WDR33: variants seen among roughly 807,000 people sequenced by gnomAD.
The protein encoded by WDR33 is pre-mRNA 3' end processing protein WDR33.
In WDR33, 47 loss-of-function variants were observed where a neutral mutation model predicts 164.9. That is an observed-to-expected ratio of 0.29 (90% CI 0.23 to 0.36). The LOEUF (loss-of-function observed/expected upper bound fraction) is 0.36. Among genes scored for constraint, WDR33 ranks in the 10% least tolerant of loss-of-function variants. The pLI, the probability that WDR33 is intolerant of heterozygous loss-of-function variation, is 1.00. For synonymous variants in WDR33, 505 were observed against 589.0 expected (o/e 0.86, Z 2.06); for missense variants, 1,137 against 1,754.1 (o/e 0.65, Z 6.28).
intron 7 of WDR33, among the ~76,000 whole-genome samples, chr2:127,740,319 G>C (rs1053005231): frequency 6.6e-6 from 1 of 151,886 alleles, no homozygotes; most frequent in African/African-American, 2.4e-5. Context: ...TATAATCCCA[G>C]CACTTTGGGA....
chr2:127,767,938 G>A (rs1276476264), intron 4 of WDR33, among the ~76,000 whole-genome samples: 1 of 152,100 alleles, frequency 6.6e-6, no homozygotes, highest in Non-Finnish European at 1.5e-5. Flanking sequence ...GCTACAACAT[G>A]TATCCATCTA....
chr2:127,724,249 C>A lies in WDR33; in HGVS notation c.1196+84G>T. ...TAAGTTGGAATATAAATTACTATAT[C>A]AATCAACCAATAAAAATAAACACAT... On this transcript the variant is annotated intron_variant, in intron 11 of 21. Coordinates refer to ENST00000322313, the MANE Select transcript of WDR33 (RefSeq NM_018383.5). The surrounding 1 kb of genome is among the most constrained non-coding windows in gnomAD (Gnocchi z 4.8). 9.6e-7 allele frequency: 1 copy of A among 1,039,038 alleles called. No individual in the cohort carries two copies. Among genetic ancestry groups the A allele is most frequent in the Non-Finnish European group, 1.4e-6 (1 of 701,782 alleles). The allele number at this position is 1,039,038 out of a possible 1,614,324, so 64.4% of individuals were successfully genotyped here. A position where few individuals can be genotyped will look rare whatever the true frequency, so the allele number is the denominator to read the frequency against.
intron 1 of WDR33, among the ~76,000 whole-genome samples, chr2:127,801,854 T>TG (rs144723823): frequency 0.031 from 4,648 of 151,142 alleles, 104 homozygotes; most frequent in Middle Eastern, 0.046. Context: ...ACTGCACTCC[T>TG]GCCTGGGTGA....
At chr2:127,795,301 A>G (rs916299095) in intron 1 of WDR33, among the ~76,000 whole-genome samples, 3 of 151,746 alleles carry the variant, frequency 2.0e-5, no homozygotes, top group African/African-American at 7.3e-5. Flanking sequence ...GGGTTTCACT[A>G]TGTTGGCCAG....
rs1686910737 is a variant in WDR33 at position 127,738,201 on chromosome 2, G to A, written c.725-11424C>T. The A allele has an allele frequency of 1.6e-6, 1 of 627,224 alleles. No homozygotes were observed. Among genetic ancestry groups the A allele is most frequent in the East Asian group, 3.4e-5 (1 of 29,334 alleles). The allele number at this position is 627,224 out of a possible 1,614,324, so 38.9% of individuals were successfully genotyped here. A position where few individuals can be genotyped will look rare whatever the true frequency, so the allele number is the denominator to read the frequency against. On this transcript the variant is annotated intron_variant, in intron 7 of 21. Transcript: ENST00000322313. The surrounding 1 kb of genome is among the most constrained non-coding windows in gnomAD (Gnocchi z 4.4). ...ATCTGAGATAACATATGCTCCAACT[G>A]GATCTTAACAAACATCTCCATTTCT...
Position 127,706,640 on chromosome 2 carries a change from A to G in WDR33, c.3782-88T>C, listed in dbSNP as rs190867601. 7.4e-3 allele frequency: 9,160 copies of G among 1,232,176 alleles called. 37 individuals carry two copies. The highest frequency in any genetic ancestry group is 9.4e-3 in the Non-Finnish European group (8,236 of 879,170). The allele number at this position is 1,232,176 out of a possible 1,614,324, so 76.3% of individuals were successfully genotyped here. A position where few individuals can be genotyped will look rare whatever the true frequency, so the allele number is the denominator to read the frequency against. On this transcript the variant is annotated intron_variant, in intron 21 of 21. Transcript: ENST00000322313. This position sits in a 1 kb window ranked among gnomAD's most constrained non-coding sequence, Gnocchi z 5.1. ...AGTACAAACTTTACTCTCTGATGAC[A>G]ATGGACCAGTTCTGGTGGGTGCCAG... is the stretch of plus-strand genomic sequence containing the variant.
At chr2:127,768,060 C>A in intron 4 of WDR33, 129 bp downstream of exon 4, 1 of 527,092 alleles carries the variant, frequency 1.9e-6, no homozygotes, top group Non-Finnish European at 3.1e-6. Context: ...AATAAAATTA[C>A]TAGCAATAAA....
rs1236366874 is a variant in WDR33 at position 127,706,447 on chromosome 2, C to G, written c.3887G>C (p.Gly1296Ala). The change falls in exon 22 of 22, where the codon GGC (glycine) becomes GCC (alanine). Residue 1296 changes from glycine (G) to alanine (A), a missense_variant. By Grantham distance (60) the Gly-to-Ala change is moderately conservative. Coordinates refer to ENST00000322313, the MANE Select transcript of WDR33 (RefSeq NM_018383.5). The surrounding 1 kb of genome is among the most constrained non-coding windows in gnomAD (Gnocchi z 5.1). ...DGYHRDEPFGGPPGSGTPSRG... is the reference protein window; with the variant it reads ...DGYHRDEPFGAPPGSGTPSRG... ...AGAAGGGGTGCCACTGCCTGGAGGG[C>G]CCCCAAAAGGTTCATCTCTGTGGTA... is the stretch of plus-strand genomic sequence containing the variant. 2 of 1,613,320 alleles carry G rather than the reference C, an allele frequency of 1.2e-6. No homozygotes were observed. Among genetic ancestry groups the G allele is most frequent in the Admixed American group, 3.3e-5 (2 of 59,902 alleles).
chr2:127,757,598 T>C (rs1349716134), intron 7 of WDR33, among the ~76,000 whole-genome samples: 1 of 152,184 alleles, frequency 6.6e-6, no homozygotes, highest in African/African-American at 2.4e-5. Context: ...ACTAAAAGCA[T>C]GCTAAGTCAA....
chr2:127,807,550 T>A (rs540078689), intron 1 of WDR33, among the ~76,000 whole-genome samples: 1 of 152,262 alleles, frequency 6.6e-6, no homozygotes, highest in East Asian at 1.9e-4. Context: ...GACACTAGAC[T>A]AACTAAACAA....
Position 127,709,482 on chromosome 2 carries a change from T to C in WDR33, c.3565+8A>G. The C allele has an allele frequency of 6.2e-7, 1 of 1,613,666 alleles. No homozygotes were observed. The highest frequency in any genetic ancestry group is 8.5e-7 in the Non-Finnish European group (1 of 1,179,598). The stretch of plus-strand genomic sequence containing the variant: ...TAGAGTTACCCAACAAGCGGTTCTT[T>C]TCCTTACCAGGCTCTCTGTTTCCAT... On this transcript the variant is annotated splice_region_variant and intron_variant, in intron 20 of 21. Transcript: ENST00000322313. This position sits in a 1 kb window ranked among gnomAD's most constrained non-coding sequence, Gnocchi z 5.0.
intron 7 of WDR33, chr2:127,762,718 A>G (rs1399534959): frequency 9.6e-7 from 1 of 1,045,660 alleles, no homozygotes; most frequent in African/African-American, 1.7e-5. Context: ...AATGACGGCT[A>G]TCTAAATCAA....
At chr2:127,774,878 A>G (rs1398902285) in intron 1 of WDR33, among the ~76,000 whole-genome samples, 2 of 152,216 alleles carry the variant, frequency 1.3e-5, no homozygotes, top group African/African-American at 4.8e-5. Context: ...AGTCAGCCAC[A>G]AAAAGTCACA....
Position 127,763,341 on chromosome 2 carries a change from T to G in WDR33, c.627-182A>C. The G allele has an allele frequency of 7.0e-7, 1 of 1,421,036 alleles. No individual in the cohort carries two copies. Among genetic ancestry groups the G allele is most frequent in the Non-Finnish European group, 9.2e-7 (1 of 1,089,502 alleles). The allele number at this position is 1,421,036 out of a possible 1,614,324, so 88.0% of individuals were successfully genotyped here. A position where few individuals can be genotyped will look rare whatever the true frequency, so the allele number is the denominator to read the frequency against. On this transcript the variant is annotated intron_variant, in intron 6 of 21. Coordinates refer to ENST00000322313, the MANE Select transcript of WDR33 (RefSeq NM_018383.5). The surrounding 1 kb of genome is among the most constrained non-coding windows in gnomAD (Gnocchi z 4.5). ...CATAGGCATCTCATCAAAAGAAGAC[T>G]TCAACAGAGCAGTTGTTTGAGTTTT... is the stretch of plus-strand genomic sequence containing the variant.
In WDR33 at chr2:127,706,014, G is replaced by A. The variant is rs1346489050; in HGVS notation, c.*309C>T. ...ATAGAAACAAATTTCCAAATGGACAGGAACTTAAATTTGTGGAGATGCCCC... is the reference window on the plus strand; with the variant it reads ...ATAGAAACAAATTTCCAAATGGACAAGAACTTAAATTTGTGGAGATGCCCC... On this transcript the variant is annotated 3_prime_UTR_variant, in exon 22 of 22. Coordinates refer to ENST00000322313, the MANE Select transcript of WDR33 (RefSeq NM_018383.5). The surrounding 1 kb of genome is among the most constrained non-coding windows in gnomAD (Gnocchi z 5.1). 4 of 329,474 alleles carry A rather than the reference G, an allele frequency of 1.2e-5. No individual in the cohort carries two copies. The highest frequency in any genetic ancestry group is 8.5e-5 in the African/African-American group (4 of 47,298). The allele number at this position is 329,474 out of a possible 1,614,324, so 20.4% of individuals were successfully genotyped here. A position where few individuals can be genotyped will look rare whatever the true frequency, so the allele number is the denominator to read the frequency against.
At chr2:127,786,838 T>C (rs934794726) in intron 1 of WDR33, among the ~76,000 whole-genome samples, 1 of 139,000 alleles carries the variant, frequency 7.2e-6, no homozygotes, top group African/African-American at 2.8e-5. Flanking sequence ...TTTCTTCCTT[T>C]CTGTTCTTTT....
At chr2:127,776,806 C>T (rs776812713) in intron 1 of WDR33, among the ~76,000 whole-genome samples, 1 of 152,356 alleles carries the variant, frequency 6.6e-6, no homozygotes, top group Non-Finnish European at 1.5e-5. Context: ...AAGAACCAAT[C>T]CTCAAACAAG....
chr2:127,739,350 CG>C (rs1008598201), intron 7 of WDR33, among the ~76,000 whole-genome samples: 16 of 152,222 alleles, frequency 1.1e-4, no homozygotes, highest in Middle Eastern at 3.4e-3. Flanking sequence ...ATTTCCCCCC[CG>C]TAAGAAGAGA....
chr2:127,799,522 C>T (rs1558963581), intron 1 of WDR33, among the ~76,000 whole-genome samples: 1 of 152,106 alleles, frequency 6.6e-6, no homozygotes, highest in Non-Finnish European at 1.5e-5. Flanking sequence ...AGGCTGGACA[C>T]GGTGGCTCAC....
Sources: gnomAD v4.1 joint callset for allele counts (sites outside exome capture counted in the v4.1 genomes callset) on GRCh38, gnomAD v4.1.1 for gene constraint, Gnocchi (gnomAD v3.1) non-coding constraint, MANE v1.5 for transcripts, NCBI Gene and HGNC (gene_info 2026-07-23, HGNC 2026-07-21) for gene names.